GBP1: variants seen among roughly 807,000 people sequenced by gnomAD.
GBP1 encodes the protein guanylate binding protein 1.
Under a neutral mutation model 69.5 loss-of-function variants are expected in GBP1, and 64 were observed. The ratio of observed to expected loss-of-function variants is 0.92; its 90% CI spans 0.75 to 1.13. GBP1 has a LOEUF of 1.13. GBP1 is among the 50% of genes most tolerant of loss of function. The pLI, the probability that GBP1 is intolerant of heterozygous loss-of-function variation, is 0.00. For missense variants in GBP1, 630 were observed against 704.1 expected (o/e 0.89, Z 1.19); for synonymous variants, 250 against 261.2 (o/e 0.96, Z 0.41).
chr1:89,061,352 G>C lies in GBP1; in HGVS notation c.191-1028C>G, dbSNP rs546572981. ...CAATAGAATAGAAAAGACAGCCCAT[G>C]AATAAACTCTGATATATATGGTCAA... On this transcript the variant is annotated intron_variant, in intron 2 of 10. Coordinates refer to ENST00000370473, the MANE Select transcript of GBP1 (RefSeq NM_002053.3). Among the ~76,000 whole-genome samples, 12 of 152,248 alleles carry C rather than the reference G, an allele frequency of 7.9e-5. No individual in the cohort carries two copies. The South Asian group carries it at 2.5e-3, about 32-fold the overall frequency.
At position 89,063,038 on chromosome 1, in the gene GBP1, C is replaced by T; in HGVS notation, c.190+7G>A. On this transcript the variant is annotated splice_region_variant and intron_variant, in intron 2 of 10. Transcript: ENST00000370473. The stretch of plus-strand genomic sequence containing the variant: ...GGACTTGGCAGAGCTTTGCTCATGC[C>T]ACTCACCCTTTTTCTTTCCAGCCAG... The T allele has an allele frequency of 6.2e-7, 1 of 1,613,968 alleles. No individual in the cohort carries two copies. Among genetic ancestry groups the T allele is most frequent in the Non-Finnish European group, 8.5e-7 (1 of 1,179,892 alleles).
rs760239594 is a variant in GBP1 at position 89,056,000 on chromosome 1, G to A, written c.1368+16C>T. ...GGTCAGCAGCTTTCCATAATTGACAGATAAATCTTGGTTACCTGTATCCCC... is the reference window on the plus strand; with the variant it reads ...GGTCAGCAGCTTTCCATAATTGACAAATAAATCTTGGTTACCTGTATCCCC... On this transcript the variant is annotated intron_variant, in intron 8 of 10. Transcript: ENST00000370473. 7.4e-6 allele frequency: 12 copies of A among 1,613,796 alleles called. No homozygotes were observed. Among genetic ancestry groups the A allele is most frequent in the Non-Finnish European group, 1.0e-5 (12 of 1,179,834 alleles).
chr1:89,064,673 T>C (rs1046590986), intron 1 of GBP1, among the ~76,000 whole-genome samples: 3 of 152,220 alleles, frequency 2.0e-5, no homozygotes, highest in African/African-American at 7.2e-5. Context: ...TTTTTCTTTG[T>C]CTTTAACCGT....
In GBP1 at chr1:89,053,384, T is replaced by G. The variant is rs1679966192; in HGVS notation, c.1750A>C (p.Arg584=). Residue 584 remains arginine, a synonymous_variant, in exon 11 of 11, where the codon AGA becomes CGA. Transcript: ENST00000370473. ...CTTATGGTACATGCCTTTCGTCGTC[T>G]CATTTTCGTCTGGAGATCCTGTATC... ...NEIQDLQTKM[R]RRKACTIS is the part of the protein sequence containing the mutation. 1 of 1,613,654 alleles carries G rather than the reference T, an allele frequency of 6.2e-7. No homozygotes were observed. Among genetic ancestry groups the G allele is most frequent in the Non-Finnish European group, 8.5e-7 (1 of 1,180,000 alleles).
chr1:89,053,547 T>C, intron 10 of GBP1, 79 bp from the exon 11 acceptor site: 2 of 1,543,580 alleles, frequency 1.3e-6, no homozygotes. Flanking sequence ...CCACATTAAA[T>C]GATTTGTTAT....
intron 8 of GBP1, chr1:89,055,454 C>T (rs1011098521): frequency 1.4e-5 from 7 of 483,820 alleles, no homozygotes; most frequent in Non-Finnish European, 2.6e-5. Flanking sequence ...GAGTCTCTGT[C>T]CTGTTTAGAT....
intron 3 of GBP1, 124 bp from the exon 4 acceptor site, chr1:89,059,550 T>C (rs2101229126): frequency 1.0e-6 from 1 of 962,624 alleles, no homozygotes; most frequent in East Asian, 2.7e-5. Context: ...TTTTTTTTTT[T>C]TTTTAACACT....
Position 89,059,154 on chromosome 1 carries a change from T to C in GBP1, c.429-111A>G, listed in dbSNP as rs1570938878. ...CCTTTGCTCCTAACCTAAGTGTCAG[T>C]GTCAGTTCTAAAGTGGATACATGGG... On this transcript the variant is annotated intron_variant, in intron 4 of 10. Transcript: ENST00000370473. 1.9e-6 allele frequency: 3 copies of C among 1,587,498 alleles called. No homozygotes were observed. The East Asian group carries it at 6.9e-5, about 36-fold the overall frequency.
In GBP1 at chr1:89,053,450, T is replaced by G. The variant is rs1025363770; in HGVS notation, c.1684A>C (p.Lys562Gln). ...CTGCTTTCTTTTTGAAATCCCTCTT[T>G]TAGTAGTTGCTCCTGTTCCTAAAAA... ...LKLQEQEQLLKEGFQKESRIM... is the reference protein window; with the variant it reads ...LKLQEQEQLLQEGFQKESRIM... The change falls in exon 11 of 11, where the codon AAA (lysine) becomes CAA (glutamine). Residue 562 changes from lysine (K) to glutamine (Q), a missense_variant. Transcript: ENST00000370473. The G allele has an allele frequency of 8.7e-6, 14 of 1,613,694 alleles. No homozygotes were observed. The highest frequency in any genetic ancestry group is 1.2e-5 in the Non-Finnish European group (14 of 1,179,976).
chr1:89,058,068 TA>T lies in GBP1; in HGVS notation c.797del (p.Val266GlufsTer28), dbSNP rs1680090665. ...EELDPEFVQQ[V>X]ADFCSYIFSN... ...TAAAGATGTAGGAACAGAAGTCTGC[TA>T]CTTGTTGCACAAATTCGGGGTCCAG... On this transcript the variant is annotated frameshift_variant, in exon 6 of 11. Coordinates refer to ENST00000370473, the MANE Select transcript of GBP1 (RefSeq NM_002053.3). LOFTEE classifies it high-confidence loss of function. 1.2e-6 allele frequency: 2 copies of T among 1,614,230 alleles called. No individual in the cohort carries two copies. Among genetic ancestry groups the T allele is most frequent in the Admixed American group, 1.7e-5 (1 of 60,028 alleles).
intron 3 of GBP1, 55 bp downstream of exon 3, chr1:89,060,142 C>A: frequency 1.3e-6 from 2 of 1,509,050 alleles, no homozygotes; most frequent in East Asian, 2.4e-5. Flanking sequence ...TTAACCGCTG[C>A]ATAAAATATT....
chr1:89,055,000 A>G, intron 9 of GBP1, 113 bp downstream of exon 9: 1 of 1,376,664 alleles, frequency 7.3e-7, no homozygotes, highest in East Asian at 2.3e-5. Context: ...CTCGGCAAGT[A>G]AGACACACCT....
intron 10 of GBP1, among the ~76,000 whole-genome samples, chr1:89,053,978 GTGA>G (rs1482027525): frequency 6.6e-6 from 1 of 152,218 alleles, no homozygotes; most frequent in Non-Finnish European, 1.5e-5. Flanking sequence ...ATTCCGCTAA[GTGA>G]TGAAGACAGC....
intron 4 of GBP1, 69 bp from the exon 5 acceptor site, chr1:89,059,112 C>A (rs1490090419): frequency 6.2e-7 from 1 of 1,602,618 alleles, no homozygotes; most frequent in Non-Finnish European, 8.5e-7. Flanking sequence ...TCAACACATA[C>A]CCAAACCTTC....
At chr1:89,061,279 G>A (rs1447625148) in intron 2 of GBP1, among the ~76,000 whole-genome samples, 2 of 152,038 alleles carry the variant, frequency 1.3e-5, no homozygotes, top group African/African-American at 2.4e-5. Context: ...GTTGTGAAAC[G>A]TATTACAAAA....
Position 89,063,575 on chromosome 1 carries a change from G to T in GBP1, c.-19-322C>A, listed in dbSNP as rs111352642. 4.0e-3 allele frequency among the ~76,000 whole-genome samples: 609 copies of T among 152,228 alleles called. 3 individuals are homozygous for T. The highest frequency in any genetic ancestry group is 9.4e-3 in the African/African-American group (390 of 41,540). On this transcript the variant is annotated intron_variant, in intron 1 of 10. Coordinates refer to ENST00000370473, the MANE Select transcript of GBP1 (RefSeq NM_002053.3). Reference sequence around the variant, plus strand: ...AATGGAAGATAGAATAGGATTTAGAGGATTTATTTGCATCCTGGCTGTATG... The same window carrying T: ...AATGGAAGATAGAATAGGATTTAGATGATTTATTTGCATCCTGGCTGTATG...
chr1:89,058,248 T>G lies in GBP1; in HGVS notation c.632-14A>C. Reference sequence around the variant, plus strand: ...TTTGACTGGTACCTAGAAAAACATTTAAAAAATTATAAAATTGCCTAATAT... The same window carrying G: ...TTTGACTGGTACCTAGAAAAACATTGAAAAAATTATAAAATTGCCTAATAT... On this transcript the variant is annotated splice_polypyrimidine_tract_variant and intron_variant, in intron 5 of 10. Coordinates refer to ENST00000370473, the MANE Select transcript of GBP1 (RefSeq NM_002053.3). 1 of 1,556,358 alleles carries G rather than the reference T, an allele frequency of 6.4e-7. No homozygotes were observed.
chr1:89,059,025 T>C lies in GBP1; in HGVS notation c.447A>G (p.Thr149=). ...MDQLYYVTEL[T]HRIRSKSSPD... The stretch of plus-strand genomic sequence containing the variant: ...GTGAGGATTTTGATCGGATTCTATG[T>C]GTCAGCTCTGTCACATAGCTGAGTA... The change falls in exon 5 of 11, where the codon ACA becomes ACG. Residue 149 remains threonine, a synonymous_variant. Coordinates refer to ENST00000370473, the MANE Select transcript of GBP1 (RefSeq NM_002053.3). 2 of 1,614,178 alleles carry C rather than the reference T, an allele frequency of 1.2e-6. No individual in the cohort carries two copies. The highest frequency in any genetic ancestry group is 1.7e-6 in the Non-Finnish European group (2 of 1,180,030).
In GBP1 at chr1:89,058,645, C is replaced by T. The variant is rs1680105026; in HGVS notation, c.631+196G>A. The stretch of plus-strand genomic sequence containing the variant: ...TACACAAAGGTGAAAGAACAAGAAA[C>T]TTGTTCTAGAACAATGACAAATGTA... On this transcript the variant is annotated intron_variant, in intron 5 of 10. Coordinates refer to ENST00000370473, the MANE Select transcript of GBP1 (RefSeq NM_002053.3). 70 of 648,106 alleles carry T rather than the reference C, an allele frequency of 1.1e-4. 1 individual carries two copies. The South Asian group carries it at 1.4e-3, about 13-fold the overall frequency. 40.1% of individuals were successfully genotyped at this position (648,106 alleles called of 1,614,324 possible). A position where few individuals can be genotyped will look rare whatever the true frequency, so the allele number is the denominator to read the frequency against.
Sources: allele counts gnomAD v4.1 joint callset (sites outside exome capture counted in the v4.1 genomes callset), GRCh38; gene constraint gnomAD v4.1.1; transcripts MANE v1.5; gene names NCBI Gene and HGNC (gene_info 2026-07-23, HGNC 2026-07-21).